The following LINGO2 variants were observed in gnomAD, a reference collection of about 807,000 sequenced individuals.
The protein encoded by LINGO2 is leucine rich repeat and Ig domain containing 2.
LINGO2 carries 14 observed loss-of-function variants against 30.6 expected under a neutral mutation model. That is an observed-to-expected ratio of 0.46 (90% CI 0.30 to 0.72). The LOEUF is 0.72. LINGO2 is among the 30% of genes least tolerant of loss of function. The pLI is 0.07. For missense variants in LINGO2, 729 were observed against 751.7 expected (o/e 0.97, Z 0.35); for synonymous variants, 317 against 288.5 (o/e 1.10, Z -1.00).
At chr9:28,575,009 A>C (rs1055686050) in intron 1 of LINGO2, among the ~76,000 whole-genome samples, 1 of 152,214 alleles carries the variant, frequency 6.6e-6, no homozygotes, top group African/African-American at 2.4e-5. Flanking sequence ...TACATGATGG[A>C]ATACTACTAT....
At chr9:28,445,179 C>A (rs1011727958) in intron 2 of LINGO2, among the ~76,000 whole-genome samples, 12 of 152,152 alleles carry the variant, frequency 7.9e-5, no homozygotes, top group Non-Finnish European at 2.9e-5. Flanking sequence ...ACATTTTATC[C>A]TTTATTTTCA....
chr9:28,569,974 T>C (rs1308872249), intron 1 of LINGO2, among the ~76,000 whole-genome samples: 1 of 151,736 alleles, frequency 6.6e-6, no homozygotes, highest in African/African-American at 2.4e-5. Flanking sequence ...AAACATAAAA[T>C]TGAAGTAGTG....
At chr9:28,157,513 C>T (rs1466713908) in intron 4 of LINGO2, among the ~76,000 whole-genome samples, 1 of 152,232 alleles carries the variant, frequency 6.6e-6, no homozygotes, top group African/African-American at 2.4e-5. Context: ...GAGACATTTT[C>T]CCCATTGTAT....
intron 4 of LINGO2, among the ~76,000 whole-genome samples, chr9:28,095,532 T>G (rs1310624847): frequency 6.6e-6 from 1 of 151,928 alleles, no homozygotes; most frequent in Non-Finnish European, 1.5e-5. Flanking sequence ...ACTGGATCCC[T>G]TCCTTACACC....
chr9:28,212,197 A>G (rs1304573724), intron 4 of LINGO2, among the ~76,000 whole-genome samples: 1 of 151,556 alleles, frequency 6.6e-6, no homozygotes, highest in African/African-American at 2.4e-5. Flanking sequence ...GTCAATATGT[A>G]TGAAGACAAC....
chr9:28,060,511 A>G (rs1825110020), intron 4 of LINGO2, among the ~76,000 whole-genome samples: 1 of 152,206 alleles, frequency 6.6e-6, no homozygotes, highest in Middle Eastern at 3.2e-3. Context: ...ACAGAAAGTC[A>G]AAGCAACACG....
At chr9:28,468,298 G>A (rs1001781741) in intron 2 of LINGO2, among the ~76,000 whole-genome samples, 3 of 152,166 alleles carry the variant, frequency 2.0e-5, no homozygotes, top group African/African-American at 4.8e-5. Flanking sequence ...CAGAAAGAGC[G>A]AAGTAGATCA....
At chr9:29,044,488 T>C in the LINGO2 span, among the ~76,000 whole-genome samples, 1 of 151,944 alleles carries the variant, frequency 6.6e-6, no homozygotes, top group African/African-American at 2.4e-5. Context: ...CTCTCATACA[T>C]TGCTAGTGAG....
the LINGO2 span, among the ~76,000 whole-genome samples, chr9:29,201,786 C>T: frequency 6.6e-6 from 1 of 151,968 alleles, no homozygotes; most frequent in East Asian, 1.9e-4. Context: ...ATTTTACACC[C>T]ATGCTTTATC....
intron 1 of LINGO2, among the ~76,000 whole-genome samples, chr9:28,488,681 T>C (rs896722535): frequency 6.6e-6 from 1 of 152,158 alleles, no homozygotes; most frequent in Non-Finnish European, 1.5e-5. Flanking sequence ...GAGTCACATA[T>C]GTAGTTATTT....
intron 1 of LINGO2, among the ~76,000 whole-genome samples, chr9:28,563,714 G>A (rs1046659767): frequency 1.3e-5 from 2 of 152,092 alleles, no homozygotes; most frequent in Admixed American, 6.5e-5. Context: ...AAGTCCTCAT[G>A]AAAAATCATC....
the LINGO2 span, among the ~76,000 whole-genome samples, chr9:28,858,763 T>G: frequency 6.6e-6 from 1 of 152,084 alleles, no homozygotes; most frequent in Non-Finnish European, 1.5e-5. Flanking sequence ...AAACCCCAGA[T>G]AAAACTGAGA....
intron 2 of LINGO2, among the ~76,000 whole-genome samples, chr9:28,387,901 A>G (rs1229230649): frequency 1.3e-5 from 2 of 152,160 alleles, no homozygotes; most frequent in Non-Finnish European, 2.9e-5. Context: ...CAAACTCCGG[A>G]CACACCATCT....
chr9:29,208,685 G>C, the LINGO2 span, among the ~76,000 whole-genome samples: 47 of 152,202 alleles, frequency 3.1e-4, 1 homozygote, highest in Admixed American at 3.0e-3. Flanking sequence ...AAAGCTAGCT[G>C]TTATCAATTT....
the LINGO2 span, among the ~76,000 whole-genome samples, chr9:28,863,126 C>T: frequency 1.3e-5 from 2 of 151,734 alleles, no homozygotes; most frequent in Admixed American, 1.3e-4. Context: ...TTTTTTTGCC[C>T]ACACCAATGT....
At chr9:28,390,574 G>GAA (rs74180802) in intron 2 of LINGO2, among the ~76,000 whole-genome samples, 98 of 145,198 alleles carry the variant, frequency 6.7e-4, no homozygotes, top group South Asian at 1.1e-3. Flanking sequence ...ATACATAAAT[G>GAA]AAAAAAAAAA....
At chr9:28,944,077 G>A in the LINGO2 span, among the ~76,000 whole-genome samples, 226 of 152,146 alleles carry the variant, frequency 1.5e-3, no homozygotes, top group African/African-American at 4.9e-3. Flanking sequence ...GGACTGTTTC[G>A]CTCTATAAAT....
chr9:28,990,058 G>A, the LINGO2 span, among the ~76,000 whole-genome samples: 1 of 152,238 alleles, frequency 6.6e-6, no homozygotes. Context: ...AGTGGTTGCA[G>A]TGCACCATGC....
At chr9:28,255,851 T>TA (rs1822366199) in intron 4 of LINGO2, among the ~76,000 whole-genome samples, 1 of 152,122 alleles carries the variant, frequency 6.6e-6, no homozygotes, top group Admixed American at 6.6e-5. Context: ...TGCTCCTAGA[T>TA]ACAACTGCAA....
Sources: allele counts gnomAD v4.1 joint callset (sites outside exome capture counted in the v4.1 genomes callset), GRCh38; gene constraint gnomAD v4.1.1; transcripts MANE v1.5; gene names NCBI Gene and HGNC (gene_info 2026-07-23, HGNC 2026-07-21).